Variants in PRKAR2A observed in about 807,000 individuals in gnomAD.
PRKAR2A encodes the protein protein kinase cAMP-dependent type II regulatory subunit alpha.
In PRKAR2A, 29 loss-of-function variants were observed where a neutral mutation model predicts 51.9. That is an observed-to-expected ratio of 0.56 (90% CI 0.42 to 0.76). The LOEUF (loss-of-function observed/expected upper bound fraction) is 0.76. PRKAR2A is among the 30% of genes least tolerant of loss of function. The pLI is 0.00. For missense variants in PRKAR2A, 445 were observed against 512.1 expected, an observed-to-expected ratio of 0.87 and a Z score of 1.26; for synonymous variants, 178 against 186.2, an observed-to-expected ratio of 0.96 and a Z score of 0.36.
At chr3:48,840,505 T>C (rs2083359683) in intron 1 of PRKAR2A, among the ~76,000 whole-genome samples, 1 of 148,024 alleles carries the variant, frequency 6.8e-6, no homozygotes, top group African/African-American at 2.5e-5. Context: ...TGTATATATA[T>C]ACCATATTTT....
intron 8 of PRKAR2A, among the ~76,000 whole-genome samples, chr3:48,757,690 A>AG (rs900708741): frequency 3.9e-5 from 6 of 152,136 alleles, no homozygotes; most frequent in African/African-American, 7.2e-5. Flanking sequence ...TGGGAGGCTG[A>AG]GGGGGGTGGA....
intron 3 of PRKAR2A, among the ~76,000 whole-genome samples, chr3:48,790,890 T>A (rs1403772845): frequency 6.6e-6 from 1 of 151,924 alleles, no homozygotes; most frequent in East Asian, 1.9e-4. Flanking sequence ...AGGATCTTCA[T>A]CCATAAAGCA....
chr3:48,791,269 GA>G (rs1258601809), intron 3 of PRKAR2A, among the ~76,000 whole-genome samples: 1 of 103,780 alleles, frequency 9.6e-6, no homozygotes, highest in Non-Finnish European at 1.8e-5. Flanking sequence ...CCTAGCGACA[GA>G]GAGAGATTCC....
intron 6 of PRKAR2A, among the ~76,000 whole-genome samples, chr3:48,769,815 C>T (rs1007465958): frequency 1.3e-5 from 2 of 151,780 alleles, no homozygotes; most frequent in Admixed American, 6.6e-5. Context: ...CACTCTGTCA[C>T]TCAGCAGGCT....
In PRKAR2A at chr3:48,750,994, A is replaced by G; in HGVS notation, c.*591T>C. ...CCTAAGCATCACTGTGGGTTTGGAG[A>G]CAGCTGTAATGTGTGCAGCTGTCAG... is the stretch of plus-strand genomic sequence containing the variant. On this transcript the variant is annotated 3_prime_UTR_variant, in exon 11 of 11. Transcript: ENST00000265563. 1 of 238,556 alleles carries G rather than the reference A, an allele frequency of 4.2e-6. No individual in the cohort carries two copies. The highest frequency in any genetic ancestry group is 5.5e-5 in the South Asian group (1 of 18,296). The allele number at this position is 238,556 out of a possible 1,614,324, so 14.8% of individuals were successfully genotyped here.
chr3:48,806,388 T>C (rs564225260), intron 2 of PRKAR2A, among the ~76,000 whole-genome samples: 54 of 152,216 alleles, frequency 3.5e-4, no homozygotes, highest in African/African-American at 1.2e-3. Flanking sequence ...TCCAGAGTTA[T>C]CAAAAAGTCA....
At chr3:48,826,999 A>T (rs2083079655) in intron 1 of PRKAR2A, among the ~76,000 whole-genome samples, 1 of 152,078 alleles carries the variant, frequency 6.6e-6, no homozygotes, top group Non-Finnish European at 1.5e-5. Context: ...ACTAAACTCC[A>T]CTCTGAAGTA....
At chr3:48,845,565 T>G (rs1341626147) in intron 1 of PRKAR2A, among the ~76,000 whole-genome samples, 1 of 152,236 alleles carries the variant, frequency 6.6e-6, no homozygotes, top group Non-Finnish European at 1.5e-5. Flanking sequence ...AGTAGGCCAA[T>G]TCTACTGTTA....
At chr3:48,821,827 A>T (rs2082966620) in intron 1 of PRKAR2A, among the ~76,000 whole-genome samples, 1 of 151,884 alleles carries the variant, frequency 6.6e-6, no homozygotes, top group Non-Finnish European at 1.5e-5. Flanking sequence ...AGGCAGCAGA[A>T]TCGCTTGAAC....
intron 9 of PRKAR2A, 35 bp downstream of exon 9, chr3:48,756,344 T>C: frequency 6.4e-7 from 1 of 1,555,030 alleles, no homozygotes; most frequent in Non-Finnish European, 8.9e-7. Context: ...TTACTTTTTG[T>C]GTGTACACCA....
intron 6 of PRKAR2A, among the ~76,000 whole-genome samples, chr3:48,770,337 A>G (rs1211310941): frequency 1.3e-5 from 2 of 152,156 alleles, no homozygotes; most frequent in African/African-American, 4.8e-5. Context: ...GAAACCTTCT[A>G]TTGACTTTCA....
chr3:48,752,851 C>T (rs2081675685), intron 9 of PRKAR2A, among the ~76,000 whole-genome samples: 1 of 148,634 alleles, frequency 6.7e-6, no homozygotes, highest in Non-Finnish European at 1.5e-5. Flanking sequence ...GAGTGATTCA[C>T]TGCTCCTGGC....
At chr3:48,814,934 C>T (rs2082848675) in intron 1 of PRKAR2A, among the ~76,000 whole-genome samples, 1 of 152,086 alleles carries the variant, frequency 6.6e-6, no homozygotes, top group South Asian at 2.1e-4. Context: ...ATTTTTGAGA[C>T]AGAGTCTCGC....
intron 2 of PRKAR2A, among the ~76,000 whole-genome samples, chr3:48,805,693 C>G (rs1230734958): frequency 1.3e-5 from 2 of 152,270 alleles, no homozygotes; most frequent in African/African-American, 4.8e-5. Context: ...TAACTGTGCA[C>G]CTGGCACACG....
intron 6 of PRKAR2A, among the ~76,000 whole-genome samples, chr3:48,767,120 C>T (rs957783157): frequency 6.6e-6 from 1 of 152,192 alleles, no homozygotes. Context: ...TTATTTGTAT[C>T]TAAGTTAACT....
chr3:48,817,467 C>T (rs901386187), intron 1 of PRKAR2A, among the ~76,000 whole-genome samples: 32 of 151,726 alleles, frequency 2.1e-4, no homozygotes, highest in Non-Finnish European at 1.5e-5. Flanking sequence ...GCCTGGCCAA[C>T]ATGGTGAAAC....
chr3:48,782,433 ACTTT>A (rs966184894), intron 5 of PRKAR2A, among the ~76,000 whole-genome samples: 5 of 151,572 alleles, frequency 3.3e-5, no homozygotes, highest in Admixed American at 6.6e-5. Context: ...TGTAAAGGAG[ACTTT>A]CTTTTTTTTT....
chr3:48,832,317 A>C (rs1035216871), intron 1 of PRKAR2A, among the ~76,000 whole-genome samples: 13 of 151,896 alleles, frequency 8.6e-5, no homozygotes, highest in Non-Finnish European at 1.2e-4. Context: ...AAAACAAAAA[A>C]AAACAAAACT....
intron 5 of PRKAR2A, among the ~76,000 whole-genome samples, chr3:48,781,116 G>A (rs546239188): frequency 1.7e-4 from 26 of 150,792 alleles, no homozygotes; most frequent in African/African-American, 5.6e-4. Context: ...GACCACAGGC[G>A]TGCACCACCA....
Sources: gnomAD v4.1 joint callset for allele counts (sites outside exome capture counted in the v4.1 genomes callset) on GRCh38, gnomAD v4.1.1 for gene constraint, MANE v1.5 for transcripts, NCBI Gene and HGNC (gene_info 2026-07-23, HGNC 2026-07-21) for gene names.